Variants in ANK2 observed in about 807,000 individuals in gnomAD.
The protein encoded by ANK2 is ankyrin-2.
A neutral mutation model predicts 360.5 loss-of-function variants in ANK2; 83 were observed. The observed-to-expected ratio is 0.23, with a 90% CI of 0.19 to 0.28. ANK2 has a LOEUF of 0.28. Ranked by LOEUF, ANK2 falls within the 10% of genes least tolerant of loss-of-function variation. ANK2 has a pLI of 1.00. For missense variants in ANK2, 4,201 were observed against 4,795.7 expected, an observed-to-expected ratio of 0.88 and a Z score of 3.66; for synonymous variants, 1,740 against 1,759.5, an observed-to-expected ratio of 0.99 and a Z score of 0.28.
chr4:113,292,956 G>A (rs778066852), intron 21 of ANK2: 12 of 353,392 alleles, frequency 3.4e-5, no homozygotes, highest in Non-Finnish European at 6.6e-5. Flanking sequence ...TGGGTTGGAT[G>A]CAGCCCGAAT....
At chr4:113,235,209 A>G (rs1226341491) in intron 5 of ANK2, among the ~76,000 whole-genome samples, 2 of 152,228 alleles carry the variant, frequency 1.3e-5, no homozygotes, top group Non-Finnish European at 2.9e-5. Flanking sequence ...TGTATGTGCT[A>G]ATGAGTCTGT....
intron 4 of ANK2, among the ~76,000 whole-genome samples, chr4:113,226,956 A>T (rs1240985452): frequency 3.3e-5 from 5 of 152,196 alleles, no homozygotes; most frequent in South Asian, 2.1e-4. Flanking sequence ...CCTACATGCA[A>T]CTAGAGCCTT....
At chr4:113,249,476 C>T (rs970704597) in intron 9 of ANK2, among the ~76,000 whole-genome samples, 2 of 152,186 alleles carry the variant, frequency 1.3e-5, no homozygotes, top group African/African-American at 4.8e-5. Context: ...GACCAGAAGC[C>T]AATTTCATTC....
chr4:112,847,952 T>A (rs1283440008), intron 1 of ANK2, among the ~76,000 whole-genome samples: 1 of 152,140 alleles, frequency 6.6e-6, no homozygotes, highest in East Asian at 1.9e-4. Flanking sequence ...CTGGCACTTA[T>A]AGGTCTATGT....
At chr4:113,214,653 T>C (rs2099065883) in intron 4 of ANK2, among the ~76,000 whole-genome samples, 1 of 152,162 alleles carries the variant, frequency 6.6e-6, no homozygotes, top group South Asian at 2.1e-4. Flanking sequence ...CTAAGAGTAT[T>C]AAGCAGCAAG....
intron 2 of ANK2, among the ~76,000 whole-genome samples, chr4:112,905,958 G>T (rs1254591739): frequency 6.6e-6 from 1 of 152,104 alleles, no homozygotes; most frequent in African/African-American, 2.4e-5. Flanking sequence ...CACTGCGCCT[G>T]GCCAGCTTGG....
chr4:113,011,046 C>G (rs533892189), intron 2 of ANK2, among the ~76,000 whole-genome samples: 2 of 152,052 alleles, frequency 1.3e-5, no homozygotes, highest in East Asian at 3.9e-4. Flanking sequence ...GAGTCCTGGT[C>G]AGAAAAAGTT....
rs557492380 is a variant in ANK2, at chr4:113,374,258, T to C, written c.11859+809T>C. Among the ~76,000 whole-genome samples the C allele has an allele frequency of 2.0e-5, 3 of 152,188 alleles. No homozygotes were observed. In the South Asian group the frequency reaches 6.2e-4, roughly 32 times the overall value. On this transcript the variant is annotated intron_variant, in intron 45 of 45. Coordinates refer to ENST00000357077, the MANE Select transcript of ANK2 (RefSeq NM_001148.6). ...TTAATTTATTTCTGTTTTACTTCCC[T>C]TTTTCAGGGACATATTTACTTGTTT...
chr4:113,353,727 A>C lies in ANK2; in HGVS notation c.5109A>C (p.Pro1703=). The change falls in exon 38 of 46, where the codon CCA becomes CCC. Residue 1703 remains proline (P), a synonymous_variant. Transcript: ENST00000357077. Reference sequence around the variant, plus strand: ...AACCAAGCTTGGGAATAAAGAAGCCAGTAAGAAGGAAATTAAAAGAAAAGC... The same window carrying C: ...AACCAAGCTTGGGAATAAAGAAGCCCGTAAGAAGGAAATTAAAAGAAAAGC... ...QHKPSLGIKK[P]VRRKLKEKQK... 1 of 1,613,852 alleles carries C rather than the reference A, an allele frequency of 6.2e-7. No homozygotes were observed. The highest frequency in any genetic ancestry group is 8.5e-7 in the Non-Finnish European group (1 of 1,179,952).
intron 26 of ANK2, chr4:113,323,692 T>C: frequency 8.1e-6 from 12 of 1,476,802 alleles, no homozygotes; most frequent in Non-Finnish European, 1.1e-5. Flanking sequence ...AAGTCACTTC[T>C]GAGTTCCTTC....
chr4:112,856,328 T>C (rs1292468274), intron 1 of ANK2, among the ~76,000 whole-genome samples: 1 of 152,160 alleles, frequency 6.6e-6, no homozygotes, highest in Non-Finnish European at 1.5e-5. Context: ...TAAAATAAAT[T>C]TTATTTAAAC....
intron 1 of ANK2, among the ~76,000 whole-genome samples, chr4:112,902,438 A>G (rs1395664476): frequency 6.6e-6 from 1 of 152,248 alleles, no homozygotes; most frequent in African/African-American, 2.4e-5. Flanking sequence ...GCTGGAAAGC[A>G]ACTTGGTCCA....
chr4:113,124,194 T>C (rs980163012), intron 1 of ANK2, among the ~76,000 whole-genome samples: 1 of 152,214 alleles, frequency 6.6e-6, no homozygotes, highest in Non-Finnish European at 1.5e-5. Context: ...TATGCTGTTT[T>C]GAAAGAACTC....
intron 36 of ANK2, among the ~76,000 whole-genome samples, chr4:113,348,732 G>T (rs772007140): frequency 1.3e-5 from 2 of 151,942 alleles, no homozygotes; most frequent in African/African-American, 2.4e-5. Flanking sequence ...AACTATAAAG[G>T]AGTCTCCCAG....
At chr4:113,299,887 AT>A (rs2074063537) in intron 22 of ANK2, among the ~76,000 whole-genome samples, 1 of 152,102 alleles carries the variant, frequency 6.6e-6, no homozygotes, top group Non-Finnish European at 1.5e-5. Context: ...GGTCCCCATT[AT>A]AGCTGGGCCC....
chr4:113,374,930 A>G (rs1236946773), intron 45 of ANK2: 1 of 1,215,536 alleles, frequency 8.2e-7, no homozygotes, highest in African/African-American at 1.6e-5. Flanking sequence ...CCTTCAGCCA[A>G]AGATGACTTT....
In ANK2 at chr4:113,190,442, C is replaced by T. The variant is rs939763242; in HGVS notation, c.187-5926C>T. Among the ~76,000 whole-genome samples, 3 of 151,824 alleles carry T rather than the reference C, an allele frequency of 2.0e-5. No individual in the cohort carries two copies. The East Asian group carries it at 5.8e-4, about 29-fold the overall frequency. ...ACTTTTAAATGCTGAGCTTGGCATG[C>T]ATTTGACACCATAACATTCTACAAT... On this transcript the variant is annotated intron_variant, in intron 2 of 45. Coordinates refer to ENST00000357077, the MANE Select transcript of ANK2 (RefSeq NM_001148.6).
chr4:112,981,272 A>C (rs1185159489), intron 2 of ANK2, among the ~76,000 whole-genome samples: 1 of 152,236 alleles, frequency 6.6e-6, no homozygotes, highest in Non-Finnish European at 1.5e-5. Flanking sequence ...CCTAGGCAGA[A>C]TGCCAGTTGG....
chr4:112,918,458 GA>G (rs2090550872), intron 2 of ANK2, among the ~76,000 whole-genome samples: 1 of 152,178 alleles, frequency 6.6e-6, no homozygotes, highest in South Asian at 2.1e-4. Flanking sequence ...CTCTCACTCT[GA>G]AAGTAAGCTA....
Sources: gnomAD v4.1 joint callset for allele counts (sites outside exome capture counted in the v4.1 genomes callset) on GRCh38, gnomAD v4.1.1 for gene constraint, MANE v1.5 for transcripts, NCBI Gene and HGNC (gene_info 2026-07-23, HGNC 2026-07-21) for gene names.